NOL4: variants seen among roughly 807,000 people sequenced by gnomAD.
NOL4 encodes the protein nucleolar protein 4, also known as cancer/testis antigen 125.
Under a neutral mutation model 75.9 loss-of-function variants are expected in NOL4, and 17 were observed. That is an observed-to-expected ratio of 0.22 (90% CI 0.15 to 0.34). The LOEUF (loss-of-function observed/expected upper bound fraction) is 0.34, where lower values mean the gene tolerates loss of function less well. NOL4 is among the 10% of genes least tolerant of loss of function. The probability of loss-of-function intolerance (pLI) is 1.00; values close to 1 mark genes in which losing one functional copy is unlikely to be tolerated. For missense variants in NOL4, 614 were observed against 793.5 expected (o/e 0.77, Z 2.72); for synonymous variants, 292 against 289.9 (o/e 1.01, Z -0.07).
At chr18:33,878,171 GC>G (rs1385984772) in intron 10 of NOL4, among the ~76,000 whole-genome samples, 1 of 152,086 alleles carries the variant, frequency 6.6e-6, no homozygotes, top group African/African-American at 2.4e-5. Flanking sequence ...GACTTTGGGA[GC>G]CCTGTTCATT....
rs551290227 is a variant in NOL4, at chr18:34,152,593, A to G, written c.265-22573T>C. On this transcript the variant is annotated intron_variant, in intron 1 of 10. Coordinates refer to ENST00000261592, the MANE Select transcript of NOL4 (RefSeq NM_003787.5). ...CACAAACTGATTATATTAAAAGAAA[A>G]AACAGCCAGAAAGATGAGACAGATC... Among the ~76,000 whole-genome samples, 53 of 152,020 alleles carry G rather than the reference A, an allele frequency of 3.5e-4. 1 individual carries two copies. In the South Asian group the frequency reaches 6.0e-3, roughly 17 times the overall value.
Position 33,958,325 on chromosome 18 carries a change from C to T in NOL4, c.1150G>A (p.Asp384Asn), listed in dbSNP as rs764630714. ...EDLSLNRGDE[D>N]EDDHEDHDDS... is the part of the protein sequence containing the mutation. ...TCATGGTCCTCGTGGTCATCTTCGTCCTCATCTCCCCTGTTTAGTGAGAGG... is the reference window on the plus strand; with the variant it reads ...TCATGGTCCTCGTGGTCATCTTCGTTCTCATCTCCCCTGTTTAGTGAGAGG... Residue 384 changes from aspartate to asparagine, a missense_variant, in exon 7 of 11, where the codon GAC (aspartate) becomes AAC (asparagine). Around this residue, in one of 9 missense-constraint regions of NOL4, gnomAD observed 196 missense variants for 167.9 expected, o/e 1.17. Coordinates refer to ENST00000261592, the MANE Select transcript of NOL4 (RefSeq NM_003787.5). 4.3e-6 allele frequency: 7 copies of T among 1,613,698 alleles called. No homozygotes were observed. In the African/African-American group the frequency reaches 9.3e-5, roughly 22 times the overall value.
intron 10 of NOL4, among the ~76,000 whole-genome samples, chr18:33,877,458 A>AAT (rs1306263779): frequency 6.6e-6 from 1 of 151,128 alleles, no homozygotes; most frequent in African/African-American, 2.4e-5. Flanking sequence ...AAAAAAAAAA[A>AAT]AGAGCCAAGG....
chr18:33,866,842 T>C (rs542237305), intron 10 of NOL4, among the ~76,000 whole-genome samples: 2 of 152,184 alleles, frequency 1.3e-5, no homozygotes, highest in African/African-American at 4.8e-5. Flanking sequence ...ATTTACTGTA[T>C]TATTTGTTTA....
At chr18:34,184,476 A>G (rs939645840) in intron 1 of NOL4, among the ~76,000 whole-genome samples, 1 of 152,066 alleles carries the variant, frequency 6.6e-6, no homozygotes, top group African/African-American at 2.4e-5. Context: ...CTTCCACAAC[A>G]TTAGGAAGAC....
chr18:33,962,360 T>C (rs1280360962), intron 6 of NOL4, among the ~76,000 whole-genome samples: 2 of 152,174 alleles, frequency 1.3e-5, no homozygotes, highest in East Asian at 1.9e-4. Flanking sequence ...TTCAAATATA[T>C]AGATGGCCCC....
intron 1 of NOL4, 35 bp downstream of exon 1, chr18:34,222,955 G>GTA: frequency 6.3e-7 from 1 of 1,595,586 alleles, no homozygotes; most frequent in Non-Finnish European, 8.5e-7. Context: ...GGGCTGCTCC[G>GTA]GCAGACAAAT....
intron 4 of NOL4, among the ~76,000 whole-genome samples, chr18:34,102,846 T>C (rs946641960): frequency 6.6e-6 from 1 of 152,056 alleles, no homozygotes; most frequent in African/African-American, 2.4e-5. Context: ...AGTATTTTCT[T>C]AATTGTCATT....
chr18:34,134,217 T>G (rs1179326787), intron 1 of NOL4, among the ~76,000 whole-genome samples: 1 of 151,750 alleles, frequency 6.6e-6, no homozygotes, highest in East Asian at 1.9e-4. Flanking sequence ...GTGGGAAAAA[T>G]ATAGCTATAT....
intron 1 of NOL4, among the ~76,000 whole-genome samples, chr18:34,141,424 C>G (rs2081154623): frequency 6.6e-6 from 1 of 152,196 alleles, no homozygotes; most frequent in Non-Finnish European, 1.5e-5. Flanking sequence ...CACTACCTGA[C>G]TTCAAACTAT....
chr18:34,163,992 A>C (rs2146202104), intron 1 of NOL4, among the ~76,000 whole-genome samples: 1 of 152,332 alleles, frequency 6.6e-6, no homozygotes, highest in East Asian at 1.9e-4. Flanking sequence ...CAATGGGGAA[A>C]GGATTCCCTA....
chr18:34,132,354 A>G (rs562596027), intron 1 of NOL4, among the ~76,000 whole-genome samples: 1 of 152,366 alleles, frequency 6.6e-6, no homozygotes, highest in South Asian at 2.1e-4. Flanking sequence ...ACCAATGGGT[A>G]TGAGTTAGAG....
intron 6 of NOL4, among the ~76,000 whole-genome samples, chr18:33,980,523 A>G (rs1214970839): frequency 6.6e-6 from 1 of 152,022 alleles, no homozygotes; most frequent in Non-Finnish European, 1.5e-5. Context: ...TGGTTTTATT[A>G]GAGTCCAGTT....
intron 9 of NOL4, among the ~76,000 whole-genome samples, chr18:33,908,150 A>T (rs972729657): frequency 6.6e-5 from 10 of 152,214 alleles, no homozygotes; most frequent in Admixed American, 6.5e-5. Flanking sequence ...TGCATTTTTC[A>T]CAGGAGTCAG....
chr18:34,019,262 T>C lies in NOL4; in HGVS notation c.1056+56A>G, dbSNP rs2074890795. 41 of 1,500,776 alleles carry C rather than the reference T, an allele frequency of 2.7e-5. No homozygotes were observed. In the South Asian group the frequency reaches 4.3e-4, roughly 16 times the overall value. The allele number at this position is 1,500,776 out of a possible 1,614,324, so 93.0% of individuals were successfully genotyped here. ...GTTTATCTGCTATATGCATAGGTAT[T>C]TTTTGTGACCTTCATGACCAACTCA... On this transcript the variant is annotated intron_variant, in intron 6 of 10. Transcript: ENST00000261592.
chr18:34,099,222 G>T (rs1260960584), intron 4 of NOL4, among the ~76,000 whole-genome samples: 2 of 151,488 alleles, frequency 1.3e-5, no homozygotes, highest in Non-Finnish European at 2.9e-5. Context: ...AATTAGCCTG[G>T]CATAGTGGCG....
intron 10 of NOL4, among the ~76,000 whole-genome samples, chr18:33,864,240 C>T (rs1282013595): frequency 8.5e-5 from 13 of 152,186 alleles, no homozygotes; most frequent in East Asian, 5.8e-4. Context: ...CTGCTCCTCA[C>T]TACTTATGCA....
chr18:34,151,176 C>A (rs1008395386), intron 1 of NOL4, among the ~76,000 whole-genome samples: 1 of 151,830 alleles, frequency 6.6e-6, no homozygotes, highest in Non-Finnish European at 1.5e-5. Flanking sequence ...ACTAAACATA[C>A]TCTTGTCATA....
intron 1 of NOL4, among the ~76,000 whole-genome samples, chr18:34,163,277 A>G (rs1381776770): frequency 1.3e-5 from 2 of 152,156 alleles, no homozygotes; most frequent in African/African-American, 4.8e-5. Context: ...AGGGTATTCA[A>G]TTAGGAAAAG....
Sources: allele counts gnomAD v4.1 joint callset (sites outside exome capture counted in the v4.1 genomes callset), GRCh38; gene constraint gnomAD v4.1.1; regional missense constraint gnomAD v4.1.1; transcripts MANE v1.5; gene names NCBI Gene and HGNC (gene_info 2026-07-23, HGNC 2026-07-21).